TTN: variants seen among roughly 807,000 people sequenced by gnomAD.
TTN encodes titin.
A neutral mutation model predicts 3,223.0 loss-of-function variants in TTN; 1,525 were observed. That is an observed-to-expected ratio of 0.47 (90% CI 0.45 to 0.49). The LOEUF is 0.49. Ranked by LOEUF, TTN falls within the 20% of genes least tolerant of loss-of-function variation. TTN has a pLI of 0.00. For synonymous variants in TTN, 14,094 were observed against 15,161.0 expected (o/e 0.93, Z 5.17); for missense variants, 40,786 against 43,424.0 (o/e 0.94, Z 5.40).
In TTN at chr2:178,729,005, T is replaced by C. The variant is rs1447554517; in HGVS notation, c.19033A>G (p.Ser6345Gly). 2 of 1,613,054 alleles carry C rather than the reference T, an allele frequency of 1.2e-6. No individual in the cohort carries two copies. Among genetic ancestry groups the C allele is most frequent in the Admixed American group, 1.7e-5 (1 of 59,896 alleles). ...DDNVYISFVD[S>G]VATLQIRSVD... ...CTTCTGATTTGAAGTGTGGCCACAC[T>C]GTCCACAAATGAAATATAGACATTA... The change falls in exon 65 of 363, where the codon AGT (serine) becomes GGT (glycine). Residue 6345 changes from serine to glycine, a missense_variant. Transcript: ENST00000589042.
rs748005350 is a variant in TTN, at chr2:178,590,134, G to A, written c.61591C>T (p.Arg20531Cys). 5 of 1,613,066 alleles carry A rather than the reference G, an allele frequency of 3.1e-6. No individual in the cohort carries two copies. The highest frequency in any genetic ancestry group is 1.3e-5 in the African/African-American group (1 of 74,844). The change falls in exon 304 of 363, where the codon CGT (arginine) becomes TGT (cysteine). Residue 20531 changes from arginine to cysteine, a missense_variant. Coordinates refer to ENST00000589042, the MANE Select transcript of TTN (RefSeq NM_001267550.2). ...KRVDLIQDLP[R>C]VELQIKEAVR... ...GCTTCTTTAATTTGTAACTCAACAC[G>A]AGGTAGATCCTGAATAAGGTCCACC... is the stretch of plus-strand genomic sequence containing the variant.
rs748236664 is a variant in TTN at position 178,631,245 on chromosome 2, A to C, written c.43803T>G (p.Asp14601Glu). 1 of 1,612,452 alleles carries C rather than the reference A, an allele frequency of 6.2e-7. No homozygotes were observed. The highest frequency in any genetic ancestry group is 8.5e-7 in the Non-Finnish European group (1 of 1,179,356). ...TAATTTCACACTGTAGAATAACTTC[A>C]TCTTTCTCTACACCAGTATAATCTT... Reference protein sequence around the residue: ...KLQDYTGVEKDEVILQCEISK... With the variant: ...KLQDYTGVEKEEVILQCEISK... Residue 14601 changes from aspartate to glutamate, a missense_variant, in exon 237 of 363, where the codon GAT becomes GAG. Physicochemically the swap from Asp to Glu is conservative, Grantham distance 45. Coordinates refer to ENST00000589042, the MANE Select transcript of TTN (RefSeq NM_001267550.2).
In TTN at chr2:178,739,513, C is replaced by G; in HGVS notation, c.13720G>C (p.Glu4574Gln). Residue 4574 changes from glutamate to glutamine, a missense_variant, in exon 48 of 363, where the codon GAG becomes CAG. Transcript: ENST00000589042. Reference sequence around the variant, plus strand: ...TCAGAGGAAGACTCCTCTTTTTCCTCTGATGGTTTCAGACTCTCATCTTGT... The same window carrying G: ...TCAGAGGAAGACTCCTCTTTTTCCTGTGATGGTTTCAGACTCTCATCTTGT... ...EKQDESLKPSEEKEESSSESG... is the reference protein window; with the variant it reads ...EKQDESLKPSQEKEESSSESG... 1 of 1,613,798 alleles carries G rather than the reference C, an allele frequency of 6.2e-7. No individual in the cohort carries two copies. Among genetic ancestry groups the G allele is most frequent in the Non-Finnish European group, 8.5e-7 (1 of 1,179,820 alleles).
chr2:178,634,546 G>C lies in TTN; in HGVS notation c.42235C>G (p.Arg14079Gly), dbSNP rs745926057. Residue 14079 changes from arginine (R) to glycine (G), a missense_variant, in exon 230 of 363, where the codon CGA (arginine) becomes GGA (glycine). Coordinates refer to ENST00000589042, the MANE Select transcript of TTN (RefSeq NM_001267550.2). The surrounding 1 kb of genome is among the most constrained non-coding windows in gnomAD (Gnocchi z 4.6). ...RQARFECVLT[R>G]EANVIWSKGP... ...TTGGACCATATAACATTTGCCTCTC[G>C]GGTGAGGACACATTCGAATCGAGCC... 1.9e-6 allele frequency: 3 copies of C among 1,613,182 alleles called. No individual in the cohort carries two copies. The South Asian group carries it at 3.3e-5, about 18-fold the overall frequency.
Position 178,538,557 on chromosome 2 carries a change from A to ATAGACAT in TTN, c.99265_99271dup (p.Ile33091AsnfsTer6). On this transcript the variant is annotated frameshift_variant, in exon 354 of 363. Coordinates refer to ENST00000589042, the MANE Select transcript of TTN (RefSeq NM_001267550.2). LOFTEE classifies it high-confidence loss of function. The stretch of plus-strand genomic sequence containing the variant: ...CTACTTACATGTGAGTTTAGTCTTT[A>ATAGACAT]TAGACATAGCAGTTCTGCGAGGTCT... The ATAGACAT allele has an allele frequency of 6.2e-7, 1 of 1,612,242 alleles. No homozygotes were observed. Among genetic ancestry groups the ATAGACAT allele is most frequent in the Non-Finnish European group, 8.5e-7 (1 of 1,179,026 alleles).
intron 93 of TTN, 52 bp downstream of exon 93, chr2:178,713,033 C>T: frequency 6.2e-7 from 1 of 1,604,900 alleles, no homozygotes; most frequent in Non-Finnish European, 8.5e-7. Flanking sequence ...TTATGACAAA[C>T]ATGCTTAATA....
At position 178,717,670 on chromosome 2, in the gene TTN, C is replaced by T; in HGVS notation, c.25204G>A (p.Asp8402Asn). 6.2e-7 allele frequency: 1 copy of T among 1,613,424 alleles called. No individual in the cohort carries two copies. Among genetic ancestry groups the T allele is most frequent in the Non-Finnish European group, 8.5e-7 (1 of 1,179,590 alleles). Residue 8402 changes from aspartate to asparagine, a missense_variant, in exon 87 of 363, where the codon GAT becomes AAT. Asp to Asn is a conservative substitution (Grantham distance 23, BLOSUM62 1). Transcript: ENST00000589042. ...AAAGATGTCTGCAAATTAGCATCAT[C>T]TTTCAAAAGAACCCCATCCTTGTAC... is the stretch of plus-strand genomic sequence containing the variant. The part of the protein sequence containing the change: ...SWYKDGVLLK[D>N]DANLQTSFVH...
intron 199 of TTN, 43 bp downstream of exon 199, chr2:178,652,998 T>G (rs138858660): frequency 5.7e-6 from 9 of 1,590,208 alleles, no homozygotes; most frequent in South Asian, 4.5e-5. Flanking sequence ...TTTCAAGAAA[T>G]GAAGAGTTCA....
At position 178,622,032 on chromosome 2, in the gene TTN, T is replaced by C. The variant is rs77395021; in HGVS notation, c.44914-24A>G. ...ACCTATATTTAAGATAAATAGATTA[T>C]CAGTTTTCTTGTTGTTCCTTCACAC... On this transcript the variant is annotated intron_variant, in intron 243 of 362. Coordinates refer to ENST00000589042, the MANE Select transcript of TTN (RefSeq NM_001267550.2). 4.3e-5 allele frequency: 67 copies of C among 1,573,980 alleles called. 1 individual carries two copies. In the East Asian group the frequency reaches 1.5e-3, roughly 36 times the overall value.
In TTN at chr2:178,548,800, A is replaced by C. The variant is rs1575477437; in HGVS notation, c.92826T>G (p.Ser30942Arg). Residue 30942 changes from serine to arginine, a missense_variant, in exon 339 of 363, where the codon AGT becomes AGG. Coordinates refer to ENST00000589042, the MANE Select transcript of TTN (RefSeq NM_001267550.2). This position sits in a 1 kb window ranked among gnomAD's most constrained non-coding sequence, Gnocchi z 4.3. ...KQTHVVRAGA[S>R]IRLFIAYQGR... ...CTTGGTAGGCAATGAAGAGGCGAATACTGGCCCCAGCTCTAACAACATGAG... is the reference window on the plus strand; with the variant it reads ...CTTGGTAGGCAATGAAGAGGCGAATCCTGGCCCCAGCTCTAACAACATGAG... The C allele has an allele frequency of 6.2e-7, 1 of 1,612,802 alleles. No homozygotes were observed. Among genetic ancestry groups the C allele is most frequent in the Non-Finnish European group, 8.5e-7 (1 of 1,179,790 alleles).
In TTN at chr2:178,528,670, A is replaced by G. The variant is rs761325938; in HGVS notation, c.107081T>C (p.Leu35694Pro). The G allele has an allele frequency of 2.5e-6, 4 of 1,613,402 alleles. No individual in the cohort carries two copies. The South Asian group carries it at 4.4e-5, about 18-fold the overall frequency. The stretch of plus-strand genomic sequence containing the variant: ...TGGAGCATCTGAGAGTTCTTTGCTC[A>G]GTGTCAAATCATACTGACACTTGAC... ...GIVKCQYDLT[L>P]SKELSDAPAF... is the part of the protein sequence containing the mutation. The change falls in exon 360 of 363, where the codon CTG (leucine) becomes CCG (proline). Residue 35694 changes from leucine (L) to proline (P), a missense_variant. Coordinates refer to ENST00000589042, the MANE Select transcript of TTN (RefSeq NM_001267550.2).
At chr2:178,555,956 G>A (rs988679627) in intron 330 of TTN, 3 of 152,218 alleles carry the variant, frequency 2.0e-5, no homozygotes, top group Non-Finnish European at 4.4e-5. Flanking sequence ...TGATAGAGAG[G>A]GCTCTGAAGT....
Position 178,602,603 on chromosome 2 carries a change from GA to G in TTN, c.54812-14del, listed in dbSNP as rs770542364. On this transcript the variant is annotated splice_polypyrimidine_tract_variant and intron_variant, in intron 282 of 362. Transcript: ENST00000589042. ...GGCCCCGGTGGAACTAATAACAAAA[GA>G]AAAAAAAAAGCTTCATCAGATTTTG... The G allele has an allele frequency of 4.2e-4, 563 of 1,340,650 alleles. No individual in the cohort carries two copies. Among genetic ancestry groups the G allele is most frequent in the South Asian group, 1.4e-3 (78 of 57,562 alleles). 83.0% of individuals were successfully genotyped at this position (1,340,650 alleles called of 1,614,324 possible). A position where few individuals can be genotyped will look rare whatever the true frequency, so the allele number is the denominator to read the frequency against.
chr2:178,551,376 ATAAG>A (rs1699368832), intron 335 of TTN, 116 bp from the exon 336 acceptor site: 2 of 829,894 alleles, frequency 2.4e-6, no homozygotes, highest in South Asian at 8.7e-5. Flanking sequence ...AATTTTTATA[ATAAG>A]TAATTTATTC....
In TTN at chr2:178,552,848, G is replaced by A. The variant is rs775796355; in HGVS notation, c.90052C>T (p.Pro30018Ser). 1.2e-6 allele frequency: 2 copies of A among 1,613,818 alleles called. No homozygotes were observed. The highest frequency in any genetic ancestry group is 8.5e-7 in the Non-Finnish European group (1 of 1,179,812). Residue 30018 changes from proline (P) to serine (S), a missense_variant, in exon 335 of 363, where the codon CCC (proline) becomes TCC (serine). Pro to Ser is a moderately conservative substitution (Grantham distance 74, BLOSUM62 -1). Transcript: ENST00000589042. ...TTCACTGGCTCTGTAGTTTCACAGGGTTCCCCAATTCCAATTTCATTTTCT... is the reference window on the plus strand; with the variant it reads ...TTCACTGGCTCTGTAGTTTCACAGGATTCCCCAATTCCAATTTCATTTTCT... ...LAENEIGIGEPCETTEPVKAA... is the reference protein window; with the variant it reads ...LAENEIGIGESCETTEPVKAA...
intron 31 of TTN, 31 bp downstream of exon 31, chr2:178,773,807 G>A (rs778938461): frequency 1.2e-6 from 2 of 1,613,852 alleles, no homozygotes; most frequent in African/African-American, 2.7e-5. Flanking sequence ...GCTTAATAGT[G>A]TAAACATAAA....
rs780886524 is a variant in TTN at position 178,527,107 on chromosome 2, C to T, written c.107881G>A (p.Val35961Ile). The T allele has an allele frequency of 9.3e-6, 15 of 1,613,784 alleles. No homozygotes were observed. Among genetic ancestry groups the T allele is most frequent in the Admixed American group, 3.3e-5 (2 of 59,994 alleles). The change falls in exon 363 of 363, where the codon GTA (valine) becomes ATA (isoleucine). Residue 35961 changes from valine to isoleucine, a missense_variant. Coordinates refer to ENST00000589042, the MANE Select transcript of TTN (RefSeq NM_001267550.2). ...DDLTTLIIMD[V>I]QKQDGGLYTL... Reference sequence around the variant, plus strand: ...TAAAGTCCACCATCTTGTTTCTGTACGTCCATGATGATCAGGGTTGTCAGG... The same window carrying T: ...TAAAGTCCACCATCTTGTTTCTGTATGTCCATGATGATCAGGGTTGTCAGG...
In TTN at chr2:178,577,481, T is replaced by C. The variant is rs2046685725; in HGVS notation, c.68854A>G (p.Ile22952Val). 6 of 1,594,140 alleles carry C rather than the reference T, an allele frequency of 3.8e-6. No homozygotes were observed. The highest frequency in any genetic ancestry group is 3.4e-5 in the Admixed American group (2 of 59,430). Residue 22952 changes from isoleucine to valine, a missense_variant, in exon 324 of 363, where the codon ATA (isoleucine) becomes GTA (valine). Physicochemically the swap from Ile to Val is conservative, Grantham distance 29 (BLOSUM62 3). Transcript: ENST00000589042. ...EAPTIVLDPT[I>V]KDGLTIKAGD... is the part of the protein sequence containing the mutation. ...GCTTTAATTGTTAGCCCATCTTTTA[T>C]TGTGGGATCAAGGACAATTGTTGGT...
rs1051495269 is a variant in TTN at position 178,572,496 on chromosome 2, C to G, written c.73636G>C (p.Asp24546His). 3.7e-6 allele frequency: 6 copies of G among 1,613,138 alleles called. No individual in the cohort carries two copies. The African/African-American group carries it at 8.0e-5, about 22-fold the overall frequency. ...TAGTTCTTGATTTTTGAACCTCCAT[C>G]AAGGAGAGGTGGGTCCCATGTGAGT... is the stretch of plus-strand genomic sequence containing the variant. ...VTLTWDPPLL[D>H]GGSKIKNYIV... The change falls in exon 326 of 363, where the codon GAT becomes CAT. Residue 24546 changes from aspartate to histidine, a missense_variant. Asp to His is a moderately conservative substitution (Grantham distance 81). Coordinates refer to ENST00000589042, the MANE Select transcript of TTN (RefSeq NM_001267550.2).
Sources: allele counts gnomAD v4.1 joint callset, GRCh38; gene constraint gnomAD v4.1.1; non-coding constraint Gnocchi (gnomAD v3.1); transcripts MANE v1.5; gene names NCBI Gene and HGNC (gene_info 2026-07-23, HGNC 2026-07-21).